Variants in RAD51D observed in about 807,000 individuals in gnomAD.
RAD51D encodes DNA repair protein RAD51 homolog 4.
In RAD51D, 38 loss-of-function variants were observed where a neutral mutation model predicts 44.1. That is an observed-to-expected ratio of 0.86 (90% confidence interval 0.67 to 1.13). The LOEUF (loss-of-function observed/expected upper bound fraction) is 1.13, where lower values mean the gene tolerates loss of function less well. Among genes scored for constraint, RAD51D ranks in the 50% most tolerant of loss-of-function variants. The pLI is 0.00. For missense variants in RAD51D, 390 were observed against 414.0 expected (o/e 0.94, Z 0.50); for synonymous variants, 141 against 166.6 (o/e 0.85, Z 1.18).
rs1407067481 is a variant in RAD51D, at chr17:35,098,391, C to G, written c.*2562G>C. ...CTGGGATTACAGACATGCGCCACGACGCCTGGCTAATTTTTGCATTTTTTT... is the reference window on the plus strand; with the variant it reads ...CTGGGATTACAGACATGCGCCACGAGGCCTGGCTAATTTTTGCATTTTTTT... On this transcript the variant is annotated 3_prime_UTR_variant, in exon 10 of 10. Transcript: ENST00000345365. The G allele has an allele frequency of 1.3e-5, 2 of 150,612 alleles. No homozygotes were observed. Among genetic ancestry groups the G allele is most frequent in the Non-Finnish European group, 2.9e-5 (2 of 67,902 alleles). 9.3% of individuals were successfully genotyped at this position (150,612 alleles called of 1,614,324 possible).
At position 35,099,954 on chromosome 17, in the gene RAD51D, AAT is replaced by A. The variant is rs1366656151; in HGVS notation, c.*997_*998del. Reference sequence around the variant, plus strand: ...GTACAGCTGGCAGGAAGAGAGGTGTAATTATATTGCATCTTGGAGCCACCAGC... The same window carrying A: ...GTACAGCTGGCAGGAAGAGAGGTGTATATATTGCATCTTGGAGCCACCAGC... On this transcript the variant is annotated 3_prime_UTR_variant, in exon 10 of 10. Coordinates refer to ENST00000345365, the MANE Select transcript of RAD51D (RefSeq NM_002878.4). 1 of 526,530 alleles carries A rather than the reference AAT, an allele frequency of 1.9e-6. No homozygotes were observed. Among genetic ancestry groups the A allele is most frequent in the East Asian group, 4.0e-5 (1 of 24,774 alleles). 32.6% of individuals were successfully genotyped at this position (526,530 alleles called of 1,614,324 possible).
chr17:35,107,574 G>A, intron 3 of RAD51D, 127 bp from the exon 4 acceptor site: 1 of 781,002 alleles, frequency 1.3e-6, no homozygotes, highest in Non-Finnish European at 2.2e-6. Context: ...CTGGCCAGGA[G>A]GCTTCTCCTG....
rs2091526784 is a variant in RAD51D, at chr17:35,100,942, A to G, written c.*11T>C. 2 of 1,608,248 alleles carry G rather than the reference A, an allele frequency of 1.2e-6. No homozygotes were observed. Among genetic ancestry groups the G allele is most frequent in the Non-Finnish European group, 8.5e-7 (1 of 1,174,778 alleles). On this transcript the variant is annotated 3_prime_UTR_variant, in exon 10 of 10. Coordinates refer to ENST00000345365, the MANE Select transcript of RAD51D (RefSeq NM_002878.4). Reference sequence around the variant, plus strand: ...CCCAATGCTTCCCTGTTTCCCAAACAACAGCACAGGTCATGTCTGATCACC... The same window carrying G: ...CCCAATGCTTCCCTGTTTCCCAAACGACAGCACAGGTCATGTCTGATCACC...
Position 35,099,325 on chromosome 17 carries a change from C to T in RAD51D, c.*1628G>A, listed in dbSNP as rs2091509699. 6.0e-6 allele frequency: 1 copy of T among 166,500 alleles called. No individual in the cohort carries two copies. Among genetic ancestry groups the T allele is most frequent in the African/African-American group, 2.4e-5 (1 of 41,608 alleles). 10.3% of individuals were successfully genotyped at this position (166,500 alleles called of 1,614,324 possible). On this transcript the variant is annotated 3_prime_UTR_variant, in exon 10 of 10. Coordinates refer to ENST00000345365, the MANE Select transcript of RAD51D (RefSeq NM_002878.4). The stretch of plus-strand genomic sequence containing the variant: ...CTATATTGAGAAAAACTTCTAAAAA[C>T]ACTTTGACTTCCACAAAAAAGAGTG...
intron 2 of RAD51D, 75 bp downstream of exon 2, chr17:35,119,036 C>T: frequency 1.4e-6 from 2 of 1,421,582 alleles, no homozygotes; most frequent in Non-Finnish European, 2.0e-6. Context: ...AGGCATGAGC[C>T]ACCGCGCCCA....
chr17:35,106,288 C>T (rs753062600), intron 6 of RAD51D, 98 bp downstream of exon 6: 2 of 1,002,508 alleles, frequency 2.0e-6, no homozygotes, highest in Admixed American at 1.7e-5. Context: ...CCAGATTGCA[C>T]ATCTGCATTT....
intron 3 of RAD51D, chr17:35,116,893 A>C: frequency 1.3e-6 from 2 of 1,592,588 alleles, no homozygotes; most frequent in Non-Finnish European, 1.7e-6. Context: ...CGTTCATCGA[A>C]AGCATTCAGC....
At chr17:35,113,559 G>A (rs758866195) in intron 3 of RAD51D, 25 of 444,444 alleles carry the variant, frequency 5.6e-5, no homozygotes, top group Admixed American at 1.5e-4. Flanking sequence ...ATGAGCCACC[G>A]TGCCTGGCCC....
At chr17:35,108,447 T>G (rs181059818) in intron 3 of RAD51D, among the ~76,000 whole-genome samples, 2 of 139,714 alleles carry the variant, frequency 1.4e-5, no homozygotes, top group Admixed American at 1.6e-4. Flanking sequence ...ATCACTTGAG[T>G]CCAGGAGTTC....
rs373473666 is a variant in RAD51D at position 35,103,434 on chromosome 17, G to A, written c.667+20C>T. The A allele has an allele frequency of 2.3e-5, 37 of 1,613,070 alleles. No homozygotes were observed. The highest frequency in any genetic ancestry group is 5.5e-5 in the South Asian group (5 of 91,072). On this transcript the variant is annotated intron_variant, in intron 7 of 9. Coordinates refer to ENST00000345365, the MANE Select transcript of RAD51D (RefSeq NM_002878.4). The surrounding 1 kb of genome is among the most constrained non-coding windows in gnomAD (Gnocchi z 4.1). Reference sequence around the variant, plus strand: ...GCGAGGTCACATTCCACTGGCCCCAGGCTCTGCCACATCACTCACCTTCCC... The same window carrying A: ...GCGAGGTCACATTCCACTGGCCCCAAGCTCTGCCACATCACTCACCTTCCC...
At chr17:35,106,019 C>CA (rs2091598472) in intron 6 of RAD51D, 1 of 450,330 alleles carries the variant, frequency 2.2e-6, no homozygotes, top group Non-Finnish European at 4.5e-6. Flanking sequence ...GCCCTGATAG[C>CA]ATGGACCTGC....
At chr17:35,116,856 TA>T in intron 3 of RAD51D, 1 of 1,516,220 alleles carries the variant, frequency 6.6e-7, no homozygotes, top group Non-Finnish European at 9.0e-7. Flanking sequence ...TGAAATAATG[TA>T]CCGTGAAGTG....
chr17:35,108,103 T>C (rs1392512391), intron 3 of RAD51D, among the ~76,000 whole-genome samples: 1 of 151,258 alleles, frequency 6.6e-6, no homozygotes, highest in Non-Finnish European at 1.5e-5. Context: ...TTTTTAAACT[T>C]TGATGGTGGC....
At chr17:35,105,183 T>G (rs538655270) in intron 6 of RAD51D, among the ~76,000 whole-genome samples, 1 of 152,372 alleles carries the variant, frequency 6.6e-6, no homozygotes, top group Admixed American at 6.5e-5. Flanking sequence ...ACTTCACTTC[T>G]CCGGCCTTCA....
Position 35,097,481 on chromosome 17 carries a change from G to GTA in RAD51D, c.*3470_*3471dup, listed in dbSNP as rs200181258. The GTA allele has an allele frequency of 3.0e-5, 4 of 131,266 alleles. No individual in the cohort carries two copies. The highest frequency in any genetic ancestry group is 2.4e-4 in the East Asian group (1 of 4,204). 8.1% of individuals were successfully genotyped at this position (131,266 alleles called of 1,614,324 possible). On this transcript the variant is annotated 3_prime_UTR_variant, in exon 10 of 10. Transcript: ENST00000345365. ...TATATATATATGTGTGTATATATAT[G>GTA]TATATATATGTGTGTATATGTGTGT...
rs1033879755 is a variant in RAD51D, at chr17:35,093,731, G to A, written c.*7222C>T. On this transcript the variant is annotated 3_prime_UTR_variant, in exon 10 of 10. Transcript: ENST00000345365. ...TGATTGTTATTGTTGCTTCTATTCTGTGTAGTACTAAAAGTCAGTTTAGCC... is the reference window on the plus strand; with the variant it reads ...TGATTGTTATTGTTGCTTCTATTCTATGTAGTACTAAAAGTCAGTTTAGCC... 4 of 152,174 alleles carry A rather than the reference G, an allele frequency of 2.6e-5. No individual in the cohort carries two copies. The highest frequency in any genetic ancestry group is 9.6e-5 in the African/African-American group (4 of 41,452). 9.4% of individuals were successfully genotyped at this position (152,174 alleles called of 1,614,324 possible).
At chr17:35,115,882 A>G (rs1471006976) in intron 3 of RAD51D, among the ~76,000 whole-genome samples, 1 of 128,632 alleles carries the variant, frequency 7.8e-6, no homozygotes. Flanking sequence ...AAAGAAAGAA[A>G]GAAGGAAAGA....
At chr17:35,107,291 C>T in intron 4 of RAD51D, 75 bp downstream of exon 4, 1 of 1,465,740 alleles carries the variant, frequency 6.8e-7, no homozygotes, top group African/African-American at 1.4e-5. Flanking sequence ...TACGCTGAAG[C>T]TCCCCCAGGG....
At chr17:35,108,497 TAAAAAAAAAAAAAA>T (rs900458144) in intron 3 of RAD51D, among the ~76,000 whole-genome samples, 2 of 78,406 alleles carry the variant, frequency 2.6e-5, no homozygotes, top group Non-Finnish European at 5.1e-5. Flanking sequence ...CTTTTCTCTT[TAAAAAAAAAAAAAA>T]AAAAAAAAAA....
Sources: allele counts gnomAD v4.1 joint callset (sites outside exome capture counted in the v4.1 genomes callset), GRCh38; gene constraint gnomAD v4.1.1; non-coding constraint Gnocchi (gnomAD v3.1); transcripts MANE v1.5; gene names NCBI Gene and HGNC (gene_info 2026-07-23, HGNC 2026-07-21).